The following MYO16 variants were observed in gnomAD, a reference collection of about 807,000 sequenced individuals.
MYO16 encodes myosin XVI.
In MYO16, 94 loss-of-function variants were observed where a neutral mutation model predicts 205.3. The observed-to-expected ratio is 0.46, with a 90% CI of 0.39 to 0.54. The LOEUF (loss-of-function observed/expected upper bound fraction) is 0.54, where lower values mean the gene tolerates loss of function less well. Ranked by LOEUF, MYO16 falls within the 20% of genes least tolerant of loss-of-function variation. The probability of loss-of-function intolerance (pLI) is 0.00; values close to 1 mark genes in which losing one functional copy is unlikely to be tolerated. For synonymous variants in MYO16, 988 were observed against 954.0 expected (o/e 1.04, Z -0.66); for missense variants, 2,315 against 2,387.5 (o/e 0.97, Z 0.63).
At chr13:109,033,539 G>A (rs542335654) in intron 23 of MYO16, among the ~76,000 whole-genome samples, 1 of 152,190 alleles carries the variant, frequency 6.6e-6, no homozygotes, top group Non-Finnish European at 1.5e-5. Flanking sequence ...ACAAGACAGA[G>A]TAGACAAAAC....
At chr13:108,500,620 A>G in the MYO16 span, among the ~76,000 whole-genome samples, 37 of 152,116 alleles carry the variant, frequency 2.4e-4, no homozygotes, top group Non-Finnish European at 4.4e-4. Flanking sequence ...TCAAGTCTTT[A>G]CAATGTGTCT....
Position 108,991,983 on chromosome 13 carries a change from A to T in MYO16, c.2370-393A>T, listed in dbSNP as rs374311939. On this transcript the variant is annotated intron_variant, in intron 20 of 34. Coordinates refer to ENST00000457511, the MANE Select transcript of MYO16 (RefSeq NM_001198950.3). The stretch of plus-strand genomic sequence containing the variant: ...ATGTACAGGTTTGTTACATAGGTAA[A>T]CTTGCATCATGGGAGTTTGTTGTAC... 4.0e-4 allele frequency among the ~76,000 whole-genome samples: 61 copies of T among 152,260 alleles called. 1 individual carries two copies. The South Asian group carries it at 0.011, about 28-fold the overall frequency.
intron 23 of MYO16, among the ~76,000 whole-genome samples, chr13:109,023,703 G>GCA (rs1566468380): frequency 1.0e-4 from 12 of 119,806 alleles, no homozygotes; most frequent in East Asian, 7.6e-4. Context: ...ATGTATATAT[G>GCA]TATATATACA....
rs181035334 is a variant in MYO16 at position 109,143,832 on chromosome 13, A to G, written c.5164+2456A>G. ...TTGTGGGCTTTTCTGAAATCCAATC[A>G]TTTGAAAAGATTGGATTGAGCCACT... On this transcript the variant is annotated intron_variant, in intron 32 of 34. Transcript: ENST00000457511. Among the ~76,000 whole-genome samples the G allele has an allele frequency of 1.2e-4, 18 of 152,322 alleles. No homozygotes were observed. The East Asian group carries it at 3.1e-3, about 26-fold the overall frequency.
intron 10 of MYO16, among the ~76,000 whole-genome samples, chr13:108,850,054 G>A (rs1459411623): frequency 6.9e-6 from 1 of 145,296 alleles, no homozygotes; most frequent in African/African-American, 2.6e-5. Flanking sequence ...TTTTTTGTGT[G>A]TGTAACTTAT....
At chr13:108,737,685 T>C (rs932506178) in intron 4 of MYO16, among the ~76,000 whole-genome samples, 6 of 152,226 alleles carry the variant, frequency 3.9e-5, no homozygotes, top group African/African-American at 1.4e-4. Context: ...CTTTTTCTAT[T>C]GATTGGAATA....
intron 12 of MYO16, among the ~76,000 whole-genome samples, chr13:108,872,401 G>A (rs1362926945): frequency 6.6e-6 from 1 of 151,800 alleles, no homozygotes; most frequent in African/African-American, 2.4e-5. Context: ...GTTAACTTGT[G>A]GTATGTTTGT....
At chr13:109,080,454 G>A (rs915957808) in intron 27 of MYO16, among the ~76,000 whole-genome samples, 1 of 152,164 alleles carries the variant, frequency 6.6e-6, no homozygotes, top group Non-Finnish European at 1.5e-5. Context: ...TGTCCAGGAA[G>A]CTGATGACTT....
At chr13:108,646,330 C>T (rs531619142) in intron 1 of MYO16, among the ~76,000 whole-genome samples, 1 of 152,150 alleles carries the variant, frequency 6.6e-6, no homozygotes, top group South Asian at 2.1e-4. Context: ...ACAGATGAAC[C>T]ACATAACCCC....
In MYO16 at chr13:109,081,564, C is replaced by T. The variant is rs565489953; in HGVS notation, c.3336-19221C>T. ...CCAGAGAAAAGAGTACTTAAGTGCT[C>T]CCGCAGGGGCCTTGAGCAACGATGA... On this transcript the variant is annotated intron_variant, in intron 27 of 34. Coordinates refer to ENST00000457511, the MANE Select transcript of MYO16 (RefSeq NM_001198950.3). 4.6e-5 allele frequency among the ~76,000 whole-genome samples: 7 copies of T among 152,206 alleles called. 1 individual carries two copies. The highest frequency in any genetic ancestry group is 2.0e-4 in the Admixed American group (3 of 15,282).
chr13:108,935,032 G>T (rs1434474695), intron 16 of MYO16, among the ~76,000 whole-genome samples: 1 of 152,164 alleles, frequency 6.6e-6, no homozygotes, highest in Non-Finnish European at 1.5e-5. Flanking sequence ...TAGCCTTAGA[G>T]TATAGTATGA....
Position 109,157,885 on chromosome 13 carries a change from G to A in MYO16, c.5165-7016G>A, listed in dbSNP as rs188733820. 7.2e-5 allele frequency among the ~76,000 whole-genome samples: 11 copies of A among 152,242 alleles called. No homozygotes were observed. The South Asian group carries it at 1.7e-3, about 23-fold the overall frequency. On this transcript the variant is annotated intron_variant, in intron 32 of 34. Coordinates refer to ENST00000457511, the MANE Select transcript of MYO16 (RefSeq NM_001198950.3). ...CTTTTCTTCTTGCACTTACCCGGTC[G>A]TCATAAATTCTTGTCATCTGCCGTG...
chr13:108,793,949 C>T (rs902432979), intron 6 of MYO16, among the ~76,000 whole-genome samples: 5 of 152,040 alleles, frequency 3.3e-5, no homozygotes, highest in South Asian at 2.1e-4. Flanking sequence ...TCAAGGTGGA[C>T]GGGATAAAGA....
At chr13:108,618,523 C>T (rs544271492) in intron 1 of MYO16, among the ~76,000 whole-genome samples, 1 of 152,300 alleles carries the variant, frequency 6.6e-6, no homozygotes, top group Non-Finnish European at 1.5e-5. Context: ...GGAGCCATTG[C>T]CTGGGCCAGC....
At chr13:109,096,647 C>T (rs1888785680) in intron 27 of MYO16, among the ~76,000 whole-genome samples, 2 of 152,224 alleles carry the variant, frequency 1.3e-5, no homozygotes, top group Non-Finnish European at 2.9e-5. Flanking sequence ...CCATCTCCTG[C>T]TCCACAGCCC....
intron 20 of MYO16, among the ~76,000 whole-genome samples, chr13:108,986,147 T>G (rs1884625755): frequency 6.6e-6 from 1 of 152,118 alleles, no homozygotes; most frequent in South Asian, 2.1e-4. Flanking sequence ...GAGAAAAATC[T>G]GTCCCCATGA....
chr13:108,578,928 A>G, the MYO16 span, among the ~76,000 whole-genome samples: 1 of 149,376 alleles, frequency 6.7e-6, no homozygotes, highest in African/African-American at 2.4e-5. Context: ...TATATTTATT[A>G]TATAATAAAT....
intron 2 of MYO16, among the ~76,000 whole-genome samples, chr13:108,711,453 C>T (rs774220462): frequency 3.3e-5 from 5 of 152,210 alleles, no homozygotes; most frequent in Non-Finnish European, 5.9e-5. Context: ...TCCAAGGGTG[C>T]GCTGATGTAA....
chr13:109,107,810 C>CATATT (rs3042873), intron 28 of MYO16, among the ~76,000 whole-genome samples: 12,427 of 141,304 alleles, frequency 0.088, 592 homozygotes, highest in Non-Finnish European at 0.1. Flanking sequence ...CATATATATT[C>CATATT]ATATTATATT....
Sources: allele counts gnomAD v4.1 joint callset (sites outside exome capture counted in the v4.1 genomes callset), GRCh38; gene constraint gnomAD v4.1.1; transcripts MANE v1.5; gene names NCBI Gene and HGNC (gene_info 2026-07-23, HGNC 2026-07-21).